The following RIF1 variants were observed in gnomAD, a reference collection of about 807,000 sequenced individuals.
RIF1 encodes the protein telomere-associated protein RIF1.
RIF1 carries 45 observed loss-of-function variants against 247.1 expected under a neutral mutation model. That is an observed-to-expected ratio of 0.18 (90% CI 0.14 to 0.23). RIF1 has a LOEUF of 0.23. Among genes scored for constraint, RIF1 ranks in the 10% least tolerant of loss-of-function variants. RIF1 has a pLI of 1.00. For missense variants in RIF1, 2,967 were observed against 2,862.5 expected (o/e 1.04, Z -0.83); for synonymous variants, 1,087 against 978.8 (o/e 1.11, Z -2.06).
In RIF1 at chr2:151,437,298, C is replaced by T. The variant is rs780539569; in HGVS notation, c.1430C>T (p.Thr477Ile). Residue 477 changes from threonine to isoleucine, a missense_variant, in exon 13 of 36, where the codon ACA becomes ATA. By Grantham distance (89) the Thr-to-Ile change is moderately conservative (BLOSUM62 -1). Around this residue, in one of 7 missense-constraint regions of RIF1, gnomAD observed 369 missense variants for 322.0 expected, o/e 1.15. Transcript: ENST00000444746. Reference protein sequence around the residue: ...SPSFFSKHANTLITAVHDSFV... With the variant: ...SPSFFSKHANILITAVHDSFV... ...TCCTTTTTTTCCAAACATGCAAATA[C>T]ACTTATCACTGCTGTTCATGATAGC... 7 of 1,613,816 alleles carry T rather than the reference C, an allele frequency of 4.3e-6. No homozygotes were observed. The highest frequency in any genetic ancestry group is 1.3e-5 in the African/African-American group (1 of 74,888).
chr2:151,418,968 C>CTTTTTTTTTTTTTTTTTTTTTTTTTTTTT (rs36020810), intron 6 of RIF1, among the ~76,000 whole-genome samples: 1 of 111,774 alleles, frequency 8.9e-6, no homozygotes, highest in African/African-American at 3.3e-5. Flanking sequence ...GCCTTAAATT[C>CTTTTTTTTTTTTTTTTTTTTTTTTTTTTT]TTTTTTTTTT....
chr2:151,428,829 G>C lies in RIF1; in HGVS notation c.832G>C (p.Glu278Gln). The C allele has an allele frequency of 3.1e-6, 5 of 1,594,640 alleles. No individual in the cohort carries two copies. Among genetic ancestry groups the C allele is most frequent in the Non-Finnish European group, 2.6e-6 (3 of 1,162,534 alleles). ...GSFINSLLQLEELGFRSGAPM... is the reference protein window; with the variant it reads ...GSFINSLLQLQELGFRSGAPM... ...TTTCATCAATTCTCTCTTGCAACTA[G>C]AAGAACTTGGATTTCGTAGTGGAGC... Residue 278 changes from glutamate (E) to glutamine (Q), a missense_variant, in exon 9 of 36, where the codon GAA (glutamate) becomes CAA (glutamine). Coordinates refer to ENST00000444746, the MANE Select transcript of RIF1 (RefSeq NM_018151.5).
At chr2:151,442,767 ATTTTTTTT>A (rs59128582) in intron 16 of RIF1, among the ~76,000 whole-genome samples, 1 of 104,046 alleles carries the variant, frequency 9.6e-6, no homozygotes, top group Non-Finnish European at 1.9e-5. Flanking sequence ...AAAGAGCTTG[ATTTTTTTT>A]TTTTTTTTTT....
chr2:151,519,831 T>G, the RIF1 span: 1 of 1,089,610 alleles, frequency 9.2e-7, no homozygotes, highest in Non-Finnish European at 1.4e-6. Flanking sequence ...AATTGGGGAA[T>G]AGTAGAAACA....
chr2:151,474,747 C>G (rs1363290566), intron 35 of RIF1, 110 bp from the exon 36 acceptor site: 1 of 675,788 alleles, frequency 1.5e-6, no homozygotes, highest in Non-Finnish European at 2.6e-6. Flanking sequence ...AGACTTAAGC[C>G]TGCTCTCTCA....
chr2:151,423,116 C>T (rs1328933631), intron 8 of RIF1, 74 bp downstream of exon 8: 6 of 791,856 alleles, frequency 7.6e-6, no homozygotes, highest in East Asian at 2.6e-5. Flanking sequence ...TTTCTTTGTA[C>T]AGTTGATGCT....
chr2:151,469,437 A>G (rs1439143146), intron 33 of RIF1, among the ~76,000 whole-genome samples: 2 of 152,126 alleles, frequency 1.3e-5, no homozygotes, highest in Non-Finnish European at 2.9e-5. Context: ...TGGGGAGGGG[A>G]TTATGTGTAC....
chr2:151,533,532 A>G, the RIF1 span: 1 of 1,549,990 alleles, frequency 6.5e-7, no homozygotes, highest in Admixed American at 2.0e-5. Flanking sequence ...TCTTGGCACT[A>G]GATTTATATT....
chr2:151,519,713 G>C, the RIF1 span: 1 of 1,612,790 alleles, frequency 6.2e-7, no homozygotes, highest in African/African-American at 1.3e-5. Flanking sequence ...GCTGTCTTTT[G>C]GATTGTATTT....
At chr2:151,440,380 A>G (rs1692065502) in intron 15 of RIF1, among the ~76,000 whole-genome samples, 1 of 152,194 alleles carries the variant, frequency 6.6e-6, no homozygotes, top group African/African-American at 2.4e-5. Flanking sequence ...ACAGAGAAAA[A>G]CTAGGGTAAA....
chr2:151,422,879 A>G, intron 7 of RIF1, 71 bp from the exon 8 acceptor site: 1 of 812,514 alleles, frequency 1.2e-6, no homozygotes, highest in Non-Finnish European at 2.1e-6. Context: ...TTTGAAAATT[A>G]TTCCTAGACT....
At chr2:151,447,295 C>T (rs11689442) in intron 20 of RIF1, among the ~76,000 whole-genome samples, 4,531 of 152,254 alleles carry the variant, frequency 0.03, 120 homozygotes, top group East Asian at 0.14. Flanking sequence ...GATTGATATG[C>T]GTCATTCCAG....
chr2:151,449,109 G>GT (rs1693816124), intron 20 of RIF1, among the ~76,000 whole-genome samples: 1 of 152,124 alleles, frequency 6.6e-6, no homozygotes, highest in Non-Finnish European at 1.5e-5. Flanking sequence ...TTTTTAAGCT[G>GT]TTTTTTAACA....
chr2:151,443,553 T>A lies in RIF1; in HGVS notation c.1830T>A (p.Leu610=). The A allele has an allele frequency of 6.2e-7, 1 of 1,604,276 alleles. No homozygotes were observed. Among genetic ancestry groups the A allele is most frequent in the African/African-American group, 1.3e-5 (1 of 74,546 alleles). Residue 610 remains leucine, a synonymous_variant, in exon 18 of 36, where the codon CTT becomes CTA. Coordinates refer to ENST00000444746, the MANE Select transcript of RIF1 (RefSeq NM_018151.5). ...DERFFLSLES[L]VGCVLSGPTS... is the part of the protein sequence containing the mutation. ...GGTTCTTTCTCAGTTTGGAATCACTTGTAGGCTGTGTTCTTTCTGGTCCAA... is the reference window on the plus strand; with the variant it reads ...GGTTCTTTCTCAGTTTGGAATCACTAGTAGGCTGTGTTCTTTCTGGTCCAA...
intron 3 of RIF1, among the ~76,000 whole-genome samples, chr2:151,413,299 A>C (rs887928325): frequency 5.9e-5 from 9 of 152,040 alleles, no homozygotes; most frequent in African/African-American, 2.2e-4. Context: ...TCCCAAAGTA[A>C]GCCTGGGCCA....
intron 20 of RIF1, among the ~76,000 whole-genome samples, chr2:151,451,127 C>T (rs999227676): frequency 3.9e-5 from 6 of 152,156 alleles, no homozygotes; most frequent in Admixed American, 1.3e-4. Flanking sequence ...TATGGTCATG[C>T]GCCTCATAAC....
chr2:151,437,467 G>A, intron 13 of RIF1, 116 bp downstream of exon 13: 1 of 734,138 alleles, frequency 1.4e-6, no homozygotes, highest in East Asian at 2.7e-5. Context: ...GAGGTGAGTG[G>A]ATCACTTGAG....
rs1011203003 is a variant in RIF1, at chr2:151,478,813, G to T, written c.*3742G>T. On this transcript the variant is annotated 3_prime_UTR_variant, in exon 36 of 36. Coordinates refer to ENST00000444746, the MANE Select transcript of RIF1 (RefSeq NM_018151.5). ...ATTCTTCATAATTGATTTTCAAGAA[G>T]TTAATTTGTCATTCAGCCTAGGAGG... 1 of 152,136 alleles carries T rather than the reference G, an allele frequency of 6.6e-6. No individual in the cohort carries two copies. The highest frequency in any genetic ancestry group is 2.4e-5 in the African/African-American group (1 of 41,436). 9.4% of individuals were successfully genotyped at this position (152,136 alleles called of 1,614,324 possible). A position where few individuals can be genotyped will look rare whatever the true frequency, so the allele number is the denominator to read the frequency against.
rs1559017102 is a variant in RIF1 at position 151,464,327 on chromosome 2, G to A, written c.4807G>A (p.Asp1603Asn). 2 of 1,611,004 alleles carry A rather than the reference G, an allele frequency of 1.2e-6. No homozygotes were observed. The highest frequency in any genetic ancestry group is 1.7e-6 in the Non-Finnish European group (2 of 1,179,296). The change falls in exon 30 of 36, where the codon GAT (aspartate) becomes AAT (asparagine). Residue 1603 changes from aspartate to asparagine, a missense_variant. Coordinates refer to ENST00000444746, the MANE Select transcript of RIF1 (RefSeq NM_018151.5). ...ECIKAENQSH[D>N]YKATSEEDVS... The stretch of plus-strand genomic sequence containing the variant: ...TATAAAAGCTGAAAATCAGTCACAT[G>A]ATTATAAAGCAACTTCTGAAGAAGA...
Sources: allele counts gnomAD v4.1 joint callset (sites outside exome capture counted in the v4.1 genomes callset), GRCh38; gene constraint gnomAD v4.1.1; regional missense constraint gnomAD v4.1.1; transcripts MANE v1.5; gene names NCBI Gene and HGNC (gene_info 2026-07-23, HGNC 2026-07-21).